The following MAF variants were observed in gnomAD, a reference collection of about 807,000 sequenced individuals.
MAF encodes transcription factor Maf.
Under a neutral mutation model 22.0 loss-of-function variants are expected in MAF, and 10 were observed. That is an observed-to-expected ratio of 0.45 (90% confidence interval 0.28 to 0.77). MAF has a LOEUF of 0.77. Among genes scored for constraint, MAF ranks in the 30% least tolerant of loss-of-function variants. MAF has a pLI of 0.12. For synonymous variants in MAF, 337 were observed against 255.8 expected, an observed-to-expected ratio of 1.32 and a Z score of -3.03; for missense variants, 544 against 548.4, an observed-to-expected ratio of 0.99 and a Z score of 0.08.
At chr16:79,500,378 C>A in the MAF span, among the ~76,000 whole-genome samples, 1 of 152,178 alleles carries the variant, frequency 6.6e-6, no homozygotes, top group Admixed American at 6.5e-5. Flanking sequence ...GTTAGGCAAA[C>A]CTCTGTCTGC....
chr16:79,595,105 ATC>A, intron 1 of MAF: 2 of 1,038,744 alleles, frequency 1.9e-6, no homozygotes, highest in Non-Finnish European at 2.3e-6. Flanking sequence ...GAGTTTGTGT[ATC>A]TCTTAGTTGT....
the MAF span, among the ~76,000 whole-genome samples, chr16:79,392,201 AAG>A: frequency 6.8e-6 from 1 of 148,104 alleles, no homozygotes; most frequent in Non-Finnish European, 1.5e-5. Context: ...GAGAGACAAG[AAG>A]AGAGAGGAGA....
chr16:79,511,072 G>T, the MAF span, among the ~76,000 whole-genome samples: 1 of 147,412 alleles, frequency 6.8e-6, no homozygotes, highest in Non-Finnish European at 1.5e-5. Flanking sequence ...CAGCAAATGA[G>T]CTGACTCATG....
the MAF span, among the ~76,000 whole-genome samples, chr16:79,374,730 G>A: frequency 6.6e-6 from 1 of 152,178 alleles, no homozygotes; most frequent in African/African-American, 2.4e-5. Context: ...TGAGCAAGCT[G>A]AGTGACATGG....
chr16:79,335,662 G>A, the MAF span, among the ~76,000 whole-genome samples: 2 of 152,320 alleles, frequency 1.3e-5, no homozygotes, highest in Non-Finnish European at 2.9e-5. Context: ...CCCAGGCAGG[G>A]AAGAAGGATC....
chr16:79,448,049 G>A, the MAF span, among the ~76,000 whole-genome samples: 1 of 152,134 alleles, frequency 6.6e-6, no homozygotes, highest in Non-Finnish European at 1.5e-5. Flanking sequence ...AACTCCTGAT[G>A]CTATGATAAC....
the MAF span, among the ~76,000 whole-genome samples, chr16:79,399,794 C>T: frequency 1.3e-5 from 2 of 152,152 alleles, no homozygotes; most frequent in Non-Finnish European, 2.9e-5. Flanking sequence ...GGTGAAGATT[C>T]GTCCCAGCTT....
the MAF span, among the ~76,000 whole-genome samples, chr16:79,361,094 C>G: frequency 1.3e-5 from 2 of 152,226 alleles, no homozygotes; most frequent in Non-Finnish European, 2.9e-5. Context: ...TCACACTATT[C>G]ACCTTCAAAA....
the MAF span, among the ~76,000 whole-genome samples, chr16:79,404,632 T>A: frequency 6.9e-5 from 9 of 131,324 alleles, no homozygotes; most frequent in Non-Finnish European, 1.5e-4. Context: ...CTCTCCTTTT[T>A]TTTAAATTTT....
chr16:79,243,594 A>G, the MAF span, among the ~76,000 whole-genome samples: 1 of 152,046 alleles, frequency 6.6e-6, no homozygotes, highest in African/African-American at 2.4e-5. Context: ...AACGAAAAAA[A>G]GTCTAGGACC....
At chr16:79,527,906 C>T in the MAF span, among the ~76,000 whole-genome samples, 1 of 152,068 alleles carries the variant, frequency 6.6e-6, no homozygotes. Context: ...CTTTGGGAGG[C>T]CGGGGTGGGT....
the MAF span, among the ~76,000 whole-genome samples, chr16:79,356,183 C>T: frequency 6.9e-3 from 666 of 97,022 alleles, 3 homozygotes; most frequent in Middle Eastern, 0.019. Flanking sequence ...CATACATGTG[C>T]ACACACACAC....
At chr16:79,251,120 G>C in the MAF span, among the ~76,000 whole-genome samples, 1,528 of 152,204 alleles carry the variant, frequency 0.01, 34 homozygotes, top group African/African-American at 0.035. Context: ...GAAAGGTTAA[G>C]TGCTTATTTC....
In MAF at chr16:79,595,597, G is replaced by C. The variant is rs899296134; in HGVS notation, c.1119-1044C>G. ...TTGTGTCATTTAAAAATAGGTCAGC[G>C]CTTAGGAGTCCTACTAGTGAAGGTA... On this transcript the variant is annotated intron_variant, in intron 1 of 1. Transcript: ENST00000326043. The C allele has an allele frequency of 4.7e-6, 5 of 1,058,920 alleles. No individual in the cohort carries two copies. The African/African-American group carries it at 8.2e-5, about 17-fold the overall frequency. 65.6% of individuals were successfully genotyped at this position (1,058,920 alleles called of 1,614,324 possible). A position where few individuals can be genotyped will look rare whatever the true frequency, so the allele number is the denominator to read the frequency against.
At chr16:79,302,473 C>G in the MAF span, among the ~76,000 whole-genome samples, 2 of 152,210 alleles carry the variant, frequency 1.3e-5, no homozygotes, top group Admixed American at 6.5e-5. Flanking sequence ...TGGCTGATGC[C>G]TTAATCAGTG....
chr16:79,220,464 C>A, the MAF span, among the ~76,000 whole-genome samples: 4 of 151,982 alleles, frequency 2.6e-5, no homozygotes, highest in Non-Finnish European at 4.4e-5. Flanking sequence ...TCCATATACA[C>A]CTTGATATAT....
At chr16:79,406,475 G>A in the MAF span, among the ~76,000 whole-genome samples, 5 of 152,134 alleles carry the variant, frequency 3.3e-5, no homozygotes, top group Admixed American at 6.5e-5. Context: ...GCTGGCTTCC[G>A]GGTTCAGGTT....
chr16:79,377,814 G>A, the MAF span, among the ~76,000 whole-genome samples: 1 of 152,028 alleles, frequency 6.6e-6, no homozygotes, highest in Non-Finnish European at 1.5e-5. Flanking sequence ...TTTTTGTCAG[G>A]TTTGTCAAAG....
the MAF span, among the ~76,000 whole-genome samples, chr16:79,255,230 G>C: frequency 6.6e-6 from 1 of 152,218 alleles, no homozygotes; most frequent in Non-Finnish European, 1.5e-5. Context: ...GTTAACTTCA[G>C]TCCAGGAATG....
Sources: allele counts gnomAD v4.1 joint callset (sites outside exome capture counted in the v4.1 genomes callset), GRCh38; gene constraint gnomAD v4.1.1; transcripts MANE v1.5; gene names NCBI Gene and HGNC (gene_info 2026-07-23, HGNC 2026-07-21).